The following ACSL3 variants were observed in gnomAD, a reference collection of about 807,000 sequenced individuals.
ACSL3 encodes the protein fatty acid CoA ligase Acsl3.
ACSL3 carries 34 observed loss-of-function variants against 84.7 expected under a neutral mutation model. The ratio of observed to expected loss-of-function variants is 0.40; its 90% CI spans 0.31 to 0.53. ACSL3 has a LOEUF of 0.53. ACSL3 is among the 20% of genes least tolerant of loss of function. ACSL3 has a pLI of 0.48. For synonymous variants in ACSL3, 315 were observed against 299.4 expected (o/e 1.05, Z -0.54); for missense variants, 680 against 873.1 (o/e 0.78, Z 2.79).
At chr2:222,902,759 G>A (rs1434889986) in intron 3 of ACSL3, among the ~76,000 whole-genome samples, 2 of 152,230 alleles carry the variant, frequency 1.3e-5, no homozygotes, top group African/African-American at 4.8e-5. Context: ...CCACACAGGA[G>A]CTGAAGAGTG....
intron 2 of ACSL3, among the ~76,000 whole-genome samples, chr2:222,899,084 C>T (rs140503996): frequency 2.6e-5 from 4 of 151,728 alleles, no homozygotes; most frequent in African/African-American, 4.8e-5. Context: ...CACCGTCATA[C>T]GATATAGAAA....
intron 13 of ACSL3, among the ~76,000 whole-genome samples, chr2:222,929,541 G>A (rs1218927438): frequency 1.3e-5 from 2 of 152,124 alleles, no homozygotes; most frequent in African/African-American, 4.8e-5. Flanking sequence ...CAGCACTTTG[G>A]GAGGCCAAGA....
At chr2:222,904,555 C>T (rs1359830692) in intron 3 of ACSL3, 1 of 152,524 alleles carries the variant, frequency 6.6e-6, no homozygotes, top group African/African-American at 2.4e-5. Context: ...TCTGTTAAGG[C>T]TCTTGCTACA....
intron 2 of ACSL3, among the ~76,000 whole-genome samples, chr2:222,889,001 G>T (rs1483873970): frequency 2.6e-5 from 4 of 152,146 alleles, no homozygotes; most frequent in Non-Finnish European, 5.9e-5. Context: ...ATTTCTTTTA[G>T]TAGTTAATGG....
At chr2:222,898,775 C>T (rs1419486578) in intron 2 of ACSL3, among the ~76,000 whole-genome samples, 8 of 151,934 alleles carry the variant, frequency 5.3e-5, no homozygotes, top group African/African-American at 1.9e-4. Context: ...TGCAGTGAGC[C>T]GAGATTGCGC....
intron 12 of ACSL3, 43 bp downstream of exon 12, chr2:222,927,232 G>GT (rs767413963): frequency 2.5e-6 from 4 of 1,591,012 alleles, no homozygotes; most frequent in African/African-American, 1.3e-5. Flanking sequence ...GATGCCAGAC[G>GT]TTTTTTTGGG....
chr2:222,869,916 G>T (rs1480958644), intron 1 of ACSL3, among the ~76,000 whole-genome samples: 1 of 152,170 alleles, frequency 6.6e-6, no homozygotes, highest in Non-Finnish European at 1.5e-5. Flanking sequence ...TCTGAAAGTA[G>T]TTGTTGAATG....
At chr2:222,923,012 TA>T in intron 9 of ACSL3, 65 bp from the exon 10 acceptor site, 1 of 1,405,184 alleles carries the variant, frequency 7.1e-7, no homozygotes, top group East Asian at 2.4e-5. Context: ...CTTTTTGATC[TA>T]AGAATACCAT....
At chr2:222,898,116 T>C (rs911896579) in intron 2 of ACSL3, among the ~76,000 whole-genome samples, 4 of 152,192 alleles carry the variant, frequency 2.6e-5, no homozygotes, top group Non-Finnish European at 5.9e-5. Context: ...GCTTCCTCTT[T>C]TATTTCCTCT....
At chr2:222,903,970 T>A (rs1006254958) in intron 3 of ACSL3, among the ~76,000 whole-genome samples, 1 of 152,196 alleles carries the variant, frequency 6.6e-6, no homozygotes, top group Non-Finnish European at 1.5e-5. Context: ...TAATAAACTT[T>A]TACCATTAAA....
chr2:222,915,338 G>A (rs1043579115), intron 4 of ACSL3, among the ~76,000 whole-genome samples: 17 of 152,112 alleles, frequency 1.1e-4, no homozygotes, highest in Admixed American at 9.2e-4. Context: ...GTAATTGCAT[G>A]GGACACTAGA....
intron 11 of ACSL3, among the ~76,000 whole-genome samples, chr2:222,925,088 G>A (rs1022616354): frequency 6.6e-6 from 1 of 151,426 alleles, no homozygotes; most frequent in African/African-American, 2.4e-5. Context: ...TGTAATCCCA[G>A]TGCTTTGGGA....
chr2:222,928,972 T>G, intron 13 of ACSL3, 36 bp downstream of exon 13: 1 of 1,556,478 alleles, frequency 6.4e-7, no homozygotes. Context: ...CATTAATTTT[T>G]AAAGTATTAA....
intron 1 of ACSL3, among the ~76,000 whole-genome samples, chr2:222,867,813 C>T (rs1432644869): frequency 2.0e-5 from 3 of 152,050 alleles, no homozygotes; most frequent in East Asian, 1.9e-4. Flanking sequence ...AACCTGTGCT[C>T]CTTTTTCTCT....
rs1697374514 is a variant in ACSL3 at position 222,943,238 on chromosome 2, C to T, written c.*1584C>T. On this transcript the variant is annotated 3_prime_UTR_variant, in exon 17 of 17. Coordinates refer to ENST00000357430, the MANE Select transcript of ACSL3 (RefSeq NM_004457.5). ...ATTGCAATACAGTGTTTTTTGTTTT[C>T]AACTTTTCTTGTATTGTATATTTGT... 8.5e-6 allele frequency: 1 copy of T among 117,698 alleles called. No individual in the cohort carries two copies. Among genetic ancestry groups the T allele is most frequent in the African/African-American group, 8.3e-5 (1 of 12,032 alleles). The allele number at this position is 117,698 out of a possible 1,614,324, so 7.3% of individuals were successfully genotyped here.
intron 1 of ACSL3, among the ~76,000 whole-genome samples, chr2:222,883,309 C>G (rs1695638108): frequency 6.6e-6 from 1 of 150,902 alleles, no homozygotes; most frequent in Admixed American, 6.6e-5. Context: ...GTCAGCCTCT[C>G]TAGTAGCTGG....
At chr2:222,904,545 T>G (rs1696243207) in intron 3 of ACSL3, 1 of 152,548 alleles carries the variant, frequency 6.6e-6, no homozygotes, top group African/African-American at 2.4e-5. Flanking sequence ...ATAGGTCATA[T>G]CTGTTAAGGC....
In ACSL3 at chr2:222,908,785, G is replaced by T; in HGVS notation, c.13G>T (p.Val5Leu). The change falls in exon 4 of 17, where the codon GTG (valine) becomes TTG (leucine). Residue 5 changes from valine to leucine, a missense_variant. By Grantham distance (32) the Val-to-Leu change is conservative. This residue lies in a region of ACSL3 where 333 missense variants were observed against 347.5 expected (regional missense o/e 0.96). Transcript: ENST00000357430. MNNH[V>L]SSKPSTMKLK... The stretch of plus-strand genomic sequence containing the variant: ...TTTTTGAGTACTTATGAATAACCAC[G>T]TGTCTTCAAAACCATCTACCATGAA... The T allele has an allele frequency of 6.3e-7, 1 of 1,592,632 alleles. No individual in the cohort carries two copies. Among genetic ancestry groups the T allele is most frequent in the Non-Finnish European group, 8.5e-7 (1 of 1,174,948 alleles).
At chr2:222,874,324 C>T (rs753273310) in intron 1 of ACSL3, among the ~76,000 whole-genome samples, 4 of 152,200 alleles carry the variant, frequency 2.6e-5, no homozygotes, top group Admixed American at 6.5e-5. Context: ...TGTGCCCGGC[C>T]TTGTACTTCC....
Sources: gnomAD v4.1 joint callset for allele counts (sites outside exome capture counted in the v4.1 genomes callset) on GRCh38, gnomAD v4.1.1 for gene constraint, gnomAD v4.1.1 regional missense constraint, MANE v1.5 for transcripts, NCBI Gene and HGNC (gene_info 2026-07-23, HGNC 2026-07-21) for gene names.